The following SGMS1 variants were observed in gnomAD, a reference collection of about 807,000 sequenced individuals.
SGMS1 encodes the protein sphingomyelin synthase 1, also known as phosphatidylcholine:ceramide cholinephosphotransferase 1.
In SGMS1, 13 loss-of-function variants were observed where a neutral mutation model predicts 46.2. That is an observed-to-expected ratio of 0.28 (90% confidence interval 0.18 to 0.45). The LOEUF (loss-of-function observed/expected upper bound fraction) is 0.45. Among genes scored for constraint, SGMS1 ranks in the 20% least tolerant of loss-of-function variants. SGMS1 has a pLI of 1.00. For missense variants in SGMS1, 324 were observed against 519.9 expected (o/e 0.62, Z 3.66); for synonymous variants, 203 against 187.8 (o/e 1.08, Z -0.66).
chr10:50,387,537 A>G (rs536664541), intron 6 of SGMS1, among the ~76,000 whole-genome samples: 1 of 152,338 alleles, frequency 6.6e-6, no homozygotes, highest in South Asian at 2.1e-4. Context: ...AGTTAAATAC[A>G]TAGACAGACA....
At chr10:50,350,653 C>G (rs1847993327) in intron 6 of SGMS1, among the ~76,000 whole-genome samples, 1 of 152,194 alleles carries the variant, frequency 6.6e-6, no homozygotes, top group African/African-American at 2.4e-5. Context: ...CAAAATACAG[C>G]CCGGGCTGTG....
chr10:50,403,084 G>A (rs1848963879), intron 6 of SGMS1, among the ~76,000 whole-genome samples: 1 of 152,178 alleles, frequency 6.6e-6, no homozygotes, highest in Non-Finnish European at 1.5e-5. Flanking sequence ...TTAAATGTTC[G>A]AAGAAGTTTG....
At chr10:50,400,307 T>C (rs868198527) in intron 6 of SGMS1, among the ~76,000 whole-genome samples, 1 of 151,014 alleles carries the variant, frequency 6.6e-6, no homozygotes. Flanking sequence ...GTTTTTTGCC[T>C]CTGCAAATTG....
intron 5 of SGMS1, among the ~76,000 whole-genome samples, chr10:50,435,657 C>T (rs1849465197): frequency 6.6e-6 from 1 of 152,168 alleles, no homozygotes; most frequent in Admixed American, 6.5e-5. Flanking sequence ...GAATGAATCA[C>T]TTCCATTAGT....
At chr10:50,386,365 A>G (rs1167932160) in intron 6 of SGMS1, among the ~76,000 whole-genome samples, 1 of 152,206 alleles carries the variant, frequency 6.6e-6, no homozygotes, top group Non-Finnish European at 1.5e-5. Flanking sequence ...ACGGTAATTT[A>G]CAAAAGCATT....
intron 6 of SGMS1, among the ~76,000 whole-genome samples, chr10:50,405,970 T>C (rs1439003873): frequency 6.6e-6 from 1 of 152,244 alleles, no homozygotes; most frequent in South Asian, 2.1e-4. Context: ...AATGTGAGCA[T>C]TCTAAGGAAA....
intron 8 of SGMS1, among the ~76,000 whole-genome samples, chr10:50,313,535 A>G (rs1847291382): frequency 6.6e-6 from 1 of 152,228 alleles, no homozygotes; most frequent in Non-Finnish European, 1.5e-5. Context: ...TTCAAATTGC[A>G]TGCCTGCATA....
intron 6 of SGMS1, among the ~76,000 whole-genome samples, chr10:50,404,122 A>T (rs1848979856): frequency 6.6e-6 from 1 of 152,202 alleles, no homozygotes; most frequent in African/African-American, 2.4e-5. Flanking sequence ...AAGAGGGAGA[A>T]AGAGGAAGAA....
In SGMS1 at chr10:50,505,305, C is replaced by T. The variant is rs79155715; in HGVS notation, c.-498+14526G>A. Among the ~76,000 whole-genome samples the T allele has an allele frequency of 1.8e-4, 28 of 152,258 alleles. 1 individual carries two copies. In the East Asian group the frequency reaches 5.4e-3, roughly 29 times the overall value. On this transcript the variant is annotated intron_variant, in intron 3 of 10. Coordinates refer to ENST00000361781, the MANE Select transcript of SGMS1 (RefSeq NM_147156.4). ...ATTACAATAGGTTATAATTTAGCCC[C>T]AAAATCTAGTCAATACCAGATAGAG...
intron 2 of SGMS1, among the ~76,000 whole-genome samples, chr10:50,566,237 C>G (rs1441493802): frequency 6.6e-6 from 1 of 151,716 alleles, no homozygotes; most frequent in African/African-American, 2.4e-5. Context: ...CAAAACTGAG[C>G]AAAGATTTAT....
chr10:50,346,246 G>A (rs1847909696), intron 6 of SGMS1, among the ~76,000 whole-genome samples: 1 of 152,158 alleles, frequency 6.6e-6, no homozygotes, highest in Non-Finnish European at 1.5e-5. Flanking sequence ...ACATAACCTA[G>A]CTCTAAAAGC....
chr10:50,307,456 C>A lies in SGMS1; in HGVS notation c.1063-135G>T. On this transcript the variant is annotated intron_variant, in intron 10 of 10. Coordinates refer to ENST00000361781, the MANE Select transcript of SGMS1 (RefSeq NM_147156.4). The surrounding 1 kb of genome is among the most constrained non-coding windows in gnomAD (Gnocchi z 4.2). ...CCCACATATCCCAGCTTCTCTCTCTCATCACCATTCTACACTCCACATTCA... is the reference window on the plus strand; with the variant it reads ...CCCACATATCCCAGCTTCTCTCTCTAATCACCATTCTACACTCCACATTCA... 1.5e-6 allele frequency: 1 copy of A among 687,962 alleles called. No homozygotes were observed. The highest frequency in any genetic ancestry group is 2.4e-6 in the Non-Finnish European group (1 of 414,858). The allele number at this position is 687,962 out of a possible 1,614,324, so 42.6% of individuals were successfully genotyped here. A position where few individuals can be genotyped will look rare whatever the true frequency, so the allele number is the denominator to read the frequency against.
chr10:50,383,497 G>A (rs1413332692), intron 6 of SGMS1, among the ~76,000 whole-genome samples: 2 of 151,950 alleles, frequency 1.3e-5, no homozygotes, highest in South Asian at 4.2e-4. Context: ...TATAAGCATC[G>A]CTTGTACAGG....
upstream of SGMS1, chr10:50,624,254 T>TG (rs1564447230): frequency 2.4e-6 from 1 of 419,544 alleles, no homozygotes; most frequent in Non-Finnish European, 3.2e-6. Flanking sequence ...GTAAATCCCT[T>TG]GGGGCAGGGC....
At chr10:50,408,568 A>G (rs1849055225) in intron 6 of SGMS1, among the ~76,000 whole-genome samples, 1 of 152,102 alleles carries the variant, frequency 6.6e-6, no homozygotes, top group African/African-American at 2.4e-5. Context: ...CTGTAGTCCC[A>G]GCTACTCAGG....
At chr10:50,318,762 A>G (rs1847390622) in intron 8 of SGMS1, among the ~76,000 whole-genome samples, 1 of 152,136 alleles carries the variant, frequency 6.6e-6, no homozygotes, top group Admixed American at 6.5e-5. Context: ...TTTAAAATAG[A>G]CTTTTCCCTT....
chr10:50,565,571 C>T (rs769376271), intron 2 of SGMS1, among the ~76,000 whole-genome samples: 1 of 152,122 alleles, frequency 6.6e-6, no homozygotes, highest in Non-Finnish European at 1.5e-5. Context: ...TCAACTCTAC[C>T]GAAAGTGTCC....
chr10:50,505,402 T>G (rs1448497150), intron 3 of SGMS1, among the ~76,000 whole-genome samples: 1 of 152,194 alleles, frequency 6.6e-6, no homozygotes, highest in South Asian at 2.1e-4. Context: ...CTCTGTTCTA[T>G]CATGCCTAAC....
At chr10:50,566,147 C>A (rs574404703) in intron 2 of SGMS1, among the ~76,000 whole-genome samples, 2 of 152,208 alleles carry the variant, frequency 1.3e-5, no homozygotes, top group East Asian at 1.9e-4. Flanking sequence ...TTTTGACAAC[C>A]TTTGGCTTTC....
Sources: gnomAD v4.1 joint callset for allele counts (sites outside exome capture counted in the v4.1 genomes callset) on GRCh38, gnomAD v4.1.1 for gene constraint, Gnocchi (gnomAD v3.1) non-coding constraint, MANE v1.5 for transcripts, NCBI Gene and HGNC (gene_info 2026-07-23, HGNC 2026-07-21) for gene names.